Variants in USP4 observed in about 807,000 individuals in gnomAD.
USP4 encodes ubiquitin carboxyl-terminal hydrolase 4.
A neutral mutation model predicts 118.2 loss-of-function variants in USP4; 72 were observed. The observed-to-expected ratio is 0.61, with a 90% CI of 0.50 to 0.74. The LOEUF is 0.74. USP4 is among the 30% of genes least tolerant of loss of function. The pLI is 0.00. For missense variants in USP4, 1,037 were observed against 1,185.7 expected (o/e 0.87, Z 1.84); for synonymous variants, 415 against 440.4 (o/e 0.94, Z 0.72).
At chr3:49,311,413 T>A (rs2047381305) in intron 7 of USP4, 101 bp downstream of exon 7, 1 of 1,345,336 alleles carries the variant, frequency 7.4e-7, no homozygotes, top group African/African-American at 1.5e-5. Context: ...CATGAGGAAC[T>A]CTAACCCCAC....
At chr3:49,321,709 T>C (rs921176113) in intron 6 of USP4, among the ~76,000 whole-genome samples, 4 of 152,094 alleles carry the variant, frequency 2.6e-5, no homozygotes, top group Admixed American at 6.6e-5. Flanking sequence ...ATTGATTTTT[T>C]TTGGCCGGGC....
Position 49,277,266 on chromosome 3 carries a change from G to C in USP4, c.*1027C>G. 2 of 1,285,522 alleles carry C rather than the reference G, an allele frequency of 1.6e-6. No homozygotes were observed. Among genetic ancestry groups the C allele is most frequent in the Non-Finnish European group, 2.0e-6 (2 of 984,848 alleles). 79.6% of individuals were successfully genotyped at this position (1,285,522 alleles called of 1,614,324 possible). ...CAGGCCCCAAACCCCCACGGATTAG[G>C]TTGAAGGTCAGACAAAAAATCCCGG... On this transcript the variant is annotated 3_prime_UTR_variant, in exon 22 of 22. Transcript: ENST00000265560.
chr3:49,320,748 TC>T (rs1410394043), intron 6 of USP4, among the ~76,000 whole-genome samples: 1 of 152,310 alleles, frequency 6.6e-6, no homozygotes, highest in Non-Finnish European at 1.5e-5. Flanking sequence ...TTCTTTTTTT[TC>T]CCCCTTTTTC....
intron 1 of USP4, among the ~76,000 whole-genome samples, chr3:49,336,593 C>T (rs1390610293): frequency 1.3e-5 from 2 of 149,052 alleles, no homozygotes; most frequent in African/African-American, 2.5e-5. Flanking sequence ...GGTGTGATCT[C>T]GGCTCTCCGC....
intron 13 of USP4, 25 bp from the exon 14 acceptor site, chr3:49,294,623 C>T: frequency 6.2e-7 from 1 of 1,604,258 alleles, no homozygotes; most frequent in East Asian, 2.2e-5. Flanking sequence ...CAAGAGGGCA[C>T]TTTTAGCAGT....
chr3:49,331,366 ATCC>A (rs1172199286), intron 2 of USP4, among the ~76,000 whole-genome samples: 1 of 151,432 alleles, frequency 6.6e-6, no homozygotes, highest in Non-Finnish European at 1.5e-5. Flanking sequence ...CATGCCTGTA[ATCC>A]CAGCACTTAG....
intron 9 of USP4, among the ~76,000 whole-genome samples, chr3:49,305,421 A>G (rs1324379359): frequency 7.6e-6 from 1 of 132,062 alleles, no homozygotes; most frequent in African/African-American, 2.8e-5. Context: ...GGAATGCCTC[A>G]TAACAACACT....
At chr3:49,282,146 G>A (rs939998317) in intron 19 of USP4, among the ~76,000 whole-genome samples, 1 of 152,172 alleles carries the variant, frequency 6.6e-6, no homozygotes, top group Non-Finnish European at 1.5e-5. Flanking sequence ...CAGCAAGTAT[G>A]CAGAAATGGC....
At chr3:49,279,897 C>T (rs2046999562) in intron 20 of USP4, among the ~76,000 whole-genome samples, 1 of 152,204 alleles carries the variant, frequency 6.6e-6, no homozygotes, top group Admixed American at 6.6e-5. Context: ...CCAGCCTAAC[C>T]TCATGGATGA....
chr3:49,298,716 G>A (rs1230539013), intron 11 of USP4, 81 bp from the exon 12 acceptor site: 17 of 1,220,392 alleles, frequency 1.4e-5, no homozygotes, highest in Non-Finnish European at 1.8e-5. Flanking sequence ...GCATCACTAG[G>A]GGCAGAGGAG....
chr3:49,318,198 G>A (rs1408965351), intron 6 of USP4: 10 of 447,958 alleles, frequency 2.2e-5, no homozygotes, highest in African/African-American at 4.3e-5. Context: ...CAAACTCCTG[G>A]GCTCAAGCAA....
rs779886664 is a variant in USP4, at chr3:49,327,776, T to G, written c.270A>C (p.Glu90Asp). 3 of 1,613,806 alleles carry G rather than the reference T, an allele frequency of 1.9e-6. No individual in the cohort carries two copies. The highest frequency in any genetic ancestry group is 2.7e-5 in the African/African-American group (2 of 74,912). ...CGGTAGGGACCAATACATAGTCCAA[T>G]TCATCAATTAAGTGTTCTTTCAAGG... ...SQTLKEHLID[E>D]LDYVLVPTEA... The change falls in exon 3 of 22, where the codon GAA becomes GAC. Residue 90 changes from glutamate (E) to aspartate (D), a missense_variant. Coordinates refer to ENST00000265560, the MANE Select transcript of USP4 (RefSeq NM_003363.4).
At chr3:49,327,584 A>G in intron 3 of USP4, 102 bp downstream of exon 3, 1 of 1,310,208 alleles carries the variant, frequency 7.6e-7, no homozygotes, top group Non-Finnish European at 1.1e-6. Flanking sequence ...ACCACTATTC[A>G]ACCACTGAGG....
chr3:49,330,009 G>A (rs1575621753), intron 2 of USP4, among the ~76,000 whole-genome samples: 1 of 151,680 alleles, frequency 6.6e-6, no homozygotes, highest in Non-Finnish European at 1.5e-5. Context: ...GTGGAGGGAC[G>A]GGCACCTGTA....
intron 1 of USP4, among the ~76,000 whole-genome samples, chr3:49,336,125 A>G (rs939215211): frequency 2.7e-5 from 4 of 150,318 alleles, no homozygotes; most frequent in African/African-American, 9.8e-5. Flanking sequence ...CGGCCTCCCA[A>G]AGTGCTGGGA....
At chr3:49,317,383 T>C in intron 6 of USP4, 1 of 1,070,934 alleles carries the variant, frequency 9.3e-7, no homozygotes, top group East Asian at 2.6e-5. Flanking sequence ...GCACAGCTCC[T>C]CCTGCTTCTG....
At chr3:49,293,386 T>C (rs1376476422) in intron 14 of USP4, among the ~76,000 whole-genome samples, 2 of 151,956 alleles carry the variant, frequency 1.3e-5, no homozygotes, top group Admixed American at 6.6e-5. Flanking sequence ...CACTTGAACC[T>C]GGGAGGTGAG....
At chr3:49,325,917 T>C in intron 3 of USP4, 72 bp from the exon 4 acceptor site, 1 of 1,566,072 alleles carries the variant, frequency 6.4e-7, no homozygotes, top group Non-Finnish European at 8.7e-7. Context: ...GCATATCTTA[T>C]CAGAAGCAAA....
At chr3:49,328,989 CCAGGGTAGTGAAA>C (rs1168101908) in intron 2 of USP4, among the ~76,000 whole-genome samples, 1 of 151,964 alleles carries the variant, frequency 6.6e-6, no homozygotes, top group Non-Finnish European at 1.5e-5. Context: ...ACCAGCCTGG[CCAGGGTAGTGAAA>C]CCCCGTCTCT....
Sources: gnomAD v4.1 joint callset for allele counts (sites outside exome capture counted in the v4.1 genomes callset) on GRCh38, gnomAD v4.1.1 for gene constraint, MANE v1.5 for transcripts, NCBI Gene and HGNC (gene_info 2026-07-23, HGNC 2026-07-21) for gene names.